The following ESRRG variants were observed in gnomAD, a reference collection of about 807,000 sequenced individuals.
ESRRG encodes the protein estrogen-related receptor gamma.
In ESRRG, 13 loss-of-function variants were observed where a neutral mutation model predicts 44.0. That is an observed-to-expected ratio of 0.30 (90% CI 0.19 to 0.47). The LOEUF is 0.47. Ranked by LOEUF, ESRRG falls within the 20% of genes least tolerant of loss-of-function variation. The probability of loss-of-function intolerance (pLI) is 1.00; values close to 1 mark genes in which losing one functional copy is unlikely to be tolerated. For synonymous variants in ESRRG, 215 were observed against 214.6 expected (o/e 1.00, Z -0.02); for missense variants, 395 against 580.6 (o/e 0.68, Z 3.29).
intron 1 of ESRRG, among the ~76,000 whole-genome samples, chr1:216,968,282 C>T (rs2070876232): frequency 1.3e-5 from 2 of 152,058 alleles, no homozygotes; most frequent in East Asian, 1.9e-4. Flanking sequence ...ACCTTTGGTG[C>T]TGTATCTAAA....
chr1:216,675,935 G>C (rs1338258583), intron 2 of ESRRG, among the ~76,000 whole-genome samples: 3 of 152,140 alleles, frequency 2.0e-5, no homozygotes, highest in African/African-American at 7.2e-5. Flanking sequence ...GGGGACATGA[G>C]CCCTGACATC....
At chr1:217,060,453 T>G (rs2088128393) in intron 1 of ESRRG, among the ~76,000 whole-genome samples, 1 of 152,108 alleles carries the variant, frequency 6.6e-6, no homozygotes, top group Non-Finnish European at 1.5e-5. Flanking sequence ...TCCTCTGAAC[T>G]TCTTGATGTC....
At chr1:216,947,640 G>C (rs549267019) in intron 1 of ESRRG, among the ~76,000 whole-genome samples, 18 of 152,280 alleles carry the variant, frequency 1.2e-4, no homozygotes, top group African/African-American at 4.1e-4. Flanking sequence ...CCCCCTGGAA[G>C]AGCCAGTTTA....
intron 2 of ESRRG, among the ~76,000 whole-genome samples, chr1:216,880,545 A>G (rs2096430336): frequency 1.3e-5 from 2 of 152,092 alleles, no homozygotes; most frequent in South Asian, 4.1e-4. Flanking sequence ...TTATATCCAA[A>G]TGTAGTTTCA....
intron 2 of ESRRG, among the ~76,000 whole-genome samples, chr1:216,928,337 G>C (rs759481820): frequency 2.0e-5 from 3 of 151,862 alleles, no homozygotes; most frequent in Admixed American, 6.6e-5. Flanking sequence ...AGTTTTTTCT[G>C]CCCCTTCTAG....
intron 1 of ESRRG, among the ~76,000 whole-genome samples, chr1:217,136,438 C>T (rs1257400069): frequency 6.6e-6 from 1 of 152,164 alleles, no homozygotes; most frequent in Non-Finnish European, 1.5e-5. Flanking sequence ...TCTGGCCTAC[C>T]GGGAGGGCAA....
At chr1:216,957,488 C>A (rs2150137398) in intron 1 of ESRRG, among the ~76,000 whole-genome samples, 1 of 152,236 alleles carries the variant, frequency 6.6e-6, no homozygotes, top group African/African-American at 2.4e-5. Context: ...TCTATCCTTC[C>A]CCAATATTTT....
At chr1:217,133,925 C>T (rs1021678591) in intron 1 of ESRRG, among the ~76,000 whole-genome samples, 3 of 152,044 alleles carry the variant, frequency 2.0e-5, no homozygotes, top group African/African-American at 7.2e-5. Flanking sequence ...TCAGAGCCAC[C>T]GGTTTCTGCC....
intron 3 of ESRRG, among the ~76,000 whole-genome samples, chr1:216,584,087 A>T (rs2063298791): frequency 6.6e-6 from 1 of 152,124 alleles, no homozygotes; most frequent in Non-Finnish European, 1.5e-5. Context: ...TGACATGAAA[A>T]TACATAGAAA....
intron 1 of ESRRG, among the ~76,000 whole-genome samples, chr1:217,019,839 C>G (rs1018795091): frequency 6.6e-6 from 1 of 152,164 alleles, no homozygotes; most frequent in African/African-American, 2.4e-5. Context: ...GTTTATTGAA[C>G]AAAACTAAAA....
At chr1:216,957,644 A>G (rs2068209372) in intron 1 of ESRRG, among the ~76,000 whole-genome samples, 1 of 152,002 alleles carries the variant, frequency 6.6e-6, no homozygotes, top group Admixed American at 6.6e-5. Flanking sequence ...TACCACCTCT[A>G]TCCACAGCAC....
chr1:216,629,256 A>G (rs2063704384), intron 3 of ESRRG, among the ~76,000 whole-genome samples: 1 of 152,244 alleles, frequency 6.6e-6, no homozygotes, highest in Non-Finnish European at 1.5e-5. Flanking sequence ...AAGACATGAG[A>G]GAAACATCAG....
chr1:216,610,270 C>A (rs187876307), intron 3 of ESRRG, among the ~76,000 whole-genome samples: 5 of 151,512 alleles, frequency 3.3e-5, no homozygotes, highest in African/African-American at 1.2e-4. Context: ...TTGCCCAAAC[C>A]AGAATTCCCA....
intron 1 of ESRRG, among the ~76,000 whole-genome samples, chr1:217,110,381 C>G (rs1202591600): frequency 1.3e-5 from 2 of 152,190 alleles, no homozygotes; most frequent in Non-Finnish European, 2.9e-5. Flanking sequence ...CTTCAGCTTG[C>G]TCACAACCAT....
At chr1:216,913,013 C>T (rs1011424826) in intron 2 of ESRRG, among the ~76,000 whole-genome samples, 1 of 149,448 alleles carries the variant, frequency 6.7e-6, no homozygotes, top group Admixed American at 6.8e-5. Flanking sequence ...ATCCCAGCTA[C>T]TCATGAGGCT....
At chr1:216,565,629 A>G (rs1401310234) in intron 4 of ESRRG, among the ~76,000 whole-genome samples, 3 of 152,206 alleles carry the variant, frequency 2.0e-5, no homozygotes, top group African/African-American at 4.8e-5. Context: ...ACATTTAAAC[A>G]TTTATGAATA....
At chr1:216,993,185 A>G (rs926240221) in intron 1 of ESRRG, among the ~76,000 whole-genome samples, 1 of 152,234 alleles carries the variant, frequency 6.6e-6, no homozygotes, top group African/African-American at 2.4e-5. Context: ...ACAACTCTGC[A>G]AAGTAGTATA....
chr1:216,770,388 TATTA>T (rs1272883440), intron 2 of ESRRG, among the ~76,000 whole-genome samples: 2 of 152,160 alleles, frequency 1.3e-5, no homozygotes, highest in Admixed American at 6.6e-5. Flanking sequence ...AATTAGCATT[TATTA>T]ATTGTTTACT....
intron 3 of ESRRG, among the ~76,000 whole-genome samples, chr1:216,615,403 A>T (rs2061283469): frequency 6.6e-6 from 1 of 152,150 alleles, no homozygotes; most frequent in South Asian, 2.1e-4. Flanking sequence ...TAGTCTACTC[A>T]CCCTGGTCTA....
Sources: gnomAD v4.1 joint callset for allele counts (sites outside exome capture counted in the v4.1 genomes callset) on GRCh38, gnomAD v4.1.1 for gene constraint, MANE v1.5 for transcripts, NCBI Gene and HGNC (gene_info 2026-07-23, HGNC 2026-07-21) for gene names.